The following SLC39A11 variants were observed in gnomAD, a reference collection of about 807,000 sequenced individuals.
SLC39A11 encodes the protein zinc transporter ZIP11.
SLC39A11 carries 33 observed loss-of-function variants against 36.1 expected under a neutral mutation model. The observed-to-expected ratio is 0.91, with a 90% CI of 0.69 to 1.22. The LOEUF is 1.22. SLC39A11 is among the 50% of genes most tolerant of loss of function. The pLI is 0.00. For synonymous variants in SLC39A11, 166 were observed against 170.3 expected, an observed-to-expected ratio of 0.97 and a Z score of 0.20; for missense variants, 432 against 430.3, an observed-to-expected ratio of 1.00 and a Z score of -0.03.
At chr17:72,900,009 AG>A (rs2082245544) in intron 5 of SLC39A11, among the ~76,000 whole-genome samples, 1 of 134,702 alleles carries the variant, frequency 7.4e-6, no homozygotes, top group African/African-American at 3.6e-5. Context: ...AGAGAAAGAG[AG>A]AGAGAGAGAA....
In SLC39A11 at chr17:73,088,725, C is replaced by T. The variant is rs780176910; in HGVS notation, c.40G>A (p.Gly14Arg). 2.5e-6 allele frequency: 4 copies of T among 1,611,712 alleles called. No individual in the cohort carries two copies. Among genetic ancestry groups the T allele is most frequent in the Non-Finnish European group, 8.5e-7 (1 of 1,179,040 alleles). ...GHSSVFQALL[G>R]TFFTWGMTAA... The stretch of plus-strand genomic sequence containing the variant: ...GTCATCCCCCAGGTGAAGAAGGTCC[C>T]CAGCAAGGCCTGGAACACAGAGCTG... Residue 14 changes from glycine (G) to arginine (R), a missense_variant, in exon 2 of 10, where the codon GGG becomes AGG. Gly to Arg is a moderately radical substitution (Grantham distance 125). Transcript: ENST00000255559.
chr17:72,648,836 A>G lies in SLC39A11; in HGVS notation c.896T>C (p.Val299Ala). 1 of 1,614,176 alleles carries G rather than the reference A, an allele frequency of 6.2e-7. No homozygotes were observed. Among genetic ancestry groups the G allele is most frequent in the South Asian group, 1.1e-5 (1 of 91,080 alleles). The change falls in exon 9 of 10, where the codon GTC (valine) becomes GCC (alanine). Residue 299 changes from valine to alanine, a missense_variant. Physicochemically the swap from Val to Ala is moderately conservative, Grantham distance 64 (BLOSUM62 0). Transcript: ENST00000255559. ...GGCTTCGGGGATGATGTCGTCCATGACCACGTAGACCATGGCACCGGCAGC... is the reference window on the plus strand; with the variant it reads ...GGCTTCGGGGATGATGTCGTCCATGGCCACGTAGACCATGGCACCGGCAGC... ...AFAAGAMVYV[V>A]MDDIIPEAQI...
chr17:72,855,741 C>CA (rs199549332), intron 5 of SLC39A11, among the ~76,000 whole-genome samples: 78,231 of 151,718 alleles, frequency 0.52, 20,760 homozygotes, highest in Non-Finnish European at 0.58. Flanking sequence ...CTAAAAAATA[C>CA]AAAAAATTAG....
intron 4 of SLC39A11, among the ~76,000 whole-genome samples, chr17:72,957,418 T>C (rs559811345): frequency 7.2e-5 from 11 of 152,320 alleles, no homozygotes; most frequent in South Asian, 4.1e-4. Flanking sequence ...CTAGAAACAA[T>C]TGCTTTAGCT....
intron 5 of SLC39A11, among the ~76,000 whole-genome samples, chr17:72,858,408 G>A (rs777395794): frequency 1.3e-5 from 2 of 152,220 alleles, no homozygotes; most frequent in Non-Finnish European, 2.9e-5. Context: ...GTTCGGAAAT[G>A]TGATGCCTTC....
At chr17:73,032,329 C>T (rs1363415232) in intron 3 of SLC39A11, among the ~76,000 whole-genome samples, 2 of 152,074 alleles carry the variant, frequency 1.3e-5, no homozygotes, top group Admixed American at 6.6e-5. Flanking sequence ...GCCTCAGCCT[C>T]CTGAGTAGCT....
At chr17:72,834,667 A>C (rs1177027870) in intron 6 of SLC39A11, among the ~76,000 whole-genome samples, 2 of 152,130 alleles carry the variant, frequency 1.3e-5, no homozygotes, top group African/African-American at 4.8e-5. Context: ...AAAATAAAAG[A>C]TTGTATTAAA....
chr17:73,052,729 T>C (rs983131629), intron 3 of SLC39A11, among the ~76,000 whole-genome samples: 4 of 152,052 alleles, frequency 2.6e-5, no homozygotes, highest in African/African-American at 9.7e-5. Context: ...GAATTAGTGG[T>C]TTTATTCCTG....
intron 3 of SLC39A11, chr17:73,068,326 G>C: frequency 1.8e-6 from 1 of 565,400 alleles, no homozygotes; most frequent in Non-Finnish European, 3.1e-6. Context: ...TCTTGTTTTA[G>C]CCACTATGTT....
At chr17:72,654,067 G>A (rs911274107) in intron 7 of SLC39A11, among the ~76,000 whole-genome samples, 7 of 152,160 alleles carry the variant, frequency 4.6e-5, no homozygotes, top group African/African-American at 1.7e-4. Context: ...CATGGGGAGT[G>A]AGCGGGTGGC....
intron 7 of SLC39A11, among the ~76,000 whole-genome samples, chr17:72,728,403 C>G (rs1413425944): frequency 6.6e-6 from 1 of 151,936 alleles, no homozygotes; most frequent in Non-Finnish European, 1.5e-5. Context: ...GATTGCACCA[C>G]TGCACTACAG....
chr17:72,827,626 C>T (rs1171623866), intron 6 of SLC39A11, among the ~76,000 whole-genome samples: 1 of 152,186 alleles, frequency 6.6e-6, no homozygotes, highest in Non-Finnish European at 1.5e-5. Context: ...AAGGGACCAA[C>T]AGGGGTGCAT....
At chr17:72,725,266 C>T (rs1476816518) in intron 7 of SLC39A11, among the ~76,000 whole-genome samples, 1 of 152,192 alleles carries the variant, frequency 6.6e-6, no homozygotes, top group Non-Finnish European at 1.5e-5. Flanking sequence ...CTAGGGTAGA[C>T]CATCAAAAGC....
intron 5 of SLC39A11, among the ~76,000 whole-genome samples, chr17:72,894,481 G>A (rs1328862126): frequency 6.9e-6 from 1 of 145,484 alleles, no homozygotes; most frequent in Non-Finnish European, 1.5e-5. Context: ...GGCTAACATG[G>A]TGAAACCTCA....
At chr17:73,021,966 C>T (rs186380638) in intron 4 of SLC39A11, among the ~76,000 whole-genome samples, 2 of 152,298 alleles carry the variant, frequency 1.3e-5, no homozygotes, top group East Asian at 3.9e-4. Flanking sequence ...CGCGCGTGTT[C>T]GTGCCAGACC....
At chr17:72,676,070 T>TCACA (rs3222866) in intron 7 of SLC39A11, among the ~76,000 whole-genome samples, 5,493 of 129,904 alleles carry the variant, frequency 0.042, 126 homozygotes, top group African/African-American at 0.082. Context: ...TCACAATGTT[T>TCACA]CACACACACA....
intron 5 of SLC39A11, among the ~76,000 whole-genome samples, chr17:72,927,192 G>A (rs1024909513): frequency 9.2e-5 from 14 of 152,152 alleles, no homozygotes; most frequent in Non-Finnish European, 1.6e-4. Context: ...GACTACAGGC[G>A]CACACCACCA....
At chr17:72,768,949 A>T (rs2075840976) in intron 6 of SLC39A11, among the ~76,000 whole-genome samples, 3 of 151,992 alleles carry the variant, frequency 2.0e-5, no homozygotes, top group African/African-American at 7.3e-5. Flanking sequence ...TTTAGTAGAG[A>T]TGGGGTTTCA....
intron 5 of SLC39A11, among the ~76,000 whole-genome samples, chr17:72,898,778 C>G (rs2082160773): frequency 6.6e-6 from 1 of 152,226 alleles, no homozygotes; most frequent in Admixed American, 6.5e-5. Context: ...ATAACACCAC[C>G]CTGGTTCTCT....
Sources: allele counts gnomAD v4.1 joint callset (sites outside exome capture counted in the v4.1 genomes callset), GRCh38; gene constraint gnomAD v4.1.1; transcripts MANE v1.5; gene names NCBI Gene and HGNC (gene_info 2026-07-23, HGNC 2026-07-21).